The following PRKN variants were observed in gnomAD, a reference collection of about 807,000 sequenced individuals.
PRKN encodes parkin RBR E3 ubiquitin protein ligase, also known as E3 ubiquitin-protein ligase parkin.
Under a neutral mutation model 59.5 loss-of-function variants are expected in PRKN, and 56 were observed. That is an observed-to-expected ratio of 0.94 (90% CI 0.76 to 1.18). The LOEUF (loss-of-function observed/expected upper bound fraction) is 1.18, where lower values mean the gene tolerates loss of function less well. Among genes scored for constraint, PRKN ranks in the 50% most tolerant of loss-of-function variants. PRKN has a pLI of 0.00. For missense variants in PRKN, 657 were observed against 596.4 expected (o/e 1.10, Z -1.06); for synonymous variants, 250 against 222.1 (o/e 1.13, Z -1.12).
intron 9 of PRKN, among the ~76,000 whole-genome samples, chr6:161,479,617 G>A (rs1791293281): frequency 6.6e-6 from 1 of 152,146 alleles, no homozygotes; most frequent in South Asian, 2.1e-4. Context: ...CTGTCCCCGG[G>A]GAAGACGACA....
At chr6:162,669,987 A>G (rs1779259068) in intron 1 of PRKN, among the ~76,000 whole-genome samples, 1 of 152,234 alleles carries the variant, frequency 6.6e-6, no homozygotes, top group East Asian at 1.9e-4. Context: ...CACATTTGCA[A>G]TTTTTAAGTT....
At chr6:161,661,401 C>A (rs1233717371) in intron 7 of PRKN, among the ~76,000 whole-genome samples, 2 of 152,122 alleles carry the variant, frequency 1.3e-5, no homozygotes, top group Non-Finnish European at 2.9e-5. Context: ...CTGCCTGGAA[C>A]TCCCCTCCCA....
intron 1 of PRKN, among the ~76,000 whole-genome samples, chr6:162,499,101 C>T (rs1324161441): frequency 6.6e-6 from 1 of 152,120 alleles, no homozygotes; most frequent in African/African-American, 2.4e-5. Flanking sequence ...CTGCGGGATA[C>T]GTAAGTTCTT....
At chr6:162,262,380 C>T (rs1779924706) in intron 3 of PRKN, 145 bp downstream of exon 3, 1 of 919,724 alleles carries the variant, frequency 1.1e-6, no homozygotes, top group Non-Finnish European at 1.8e-6. Context: ...ACTCCACCTA[C>T]AGTGATGTCT....
intron 5 of PRKN, among the ~76,000 whole-genome samples, chr6:161,985,089 G>T (rs1402868727): frequency 6.6e-6 from 1 of 152,170 alleles, no homozygotes; most frequent in Non-Finnish European, 1.5e-5. Flanking sequence ...TTTGGAGATT[G>T]TAACTTGTCT....
At chr6:162,014,825 G>A (rs1246385749) in intron 5 of PRKN, among the ~76,000 whole-genome samples, 2 of 151,160 alleles carry the variant, frequency 1.3e-5, no homozygotes. Flanking sequence ...TTTTCACTCA[G>A]CAAGGTAGTC....
At chr6:161,647,708 G>T (rs1243421871) in intron 7 of PRKN, among the ~76,000 whole-genome samples, 7 of 152,086 alleles carry the variant, frequency 4.6e-5, no homozygotes, top group Non-Finnish European at 7.3e-5. Context: ...GAAGAAGTTT[G>T]CTAATGTTCT....
At position 162,337,278 on chromosome 6, in the gene PRKN, GAA is replaced by G. The variant is rs2091185747; in HGVS notation, c.172-74515_172-74514del. On this transcript the variant is annotated intron_variant, in intron 2 of 11. Coordinates refer to ENST00000366898, the MANE Select transcript of PRKN (RefSeq NM_004562.3). The stretch of plus-strand genomic sequence containing the variant: ...AAACACAACCCAAAATAACAGTTAA[GAA>G]AAGTTATCTCACCTCCCCCATCCTC... Among the ~76,000 whole-genome samples the G allele has an allele frequency of 1.3e-5, 2 of 152,100 alleles. 1 individual carries two copies. Among genetic ancestry groups the G allele is most frequent in the African/African-American group, 4.8e-5 (2 of 41,426 alleles).
rs577798658 is a variant in PRKN at position 161,457,239 on chromosome 6, A to G, written c.1084-70362T>C. ...ATGCATTCCATTACTTTTCCTACAC[A>G]TGTGTCTCTGTTAAGCACTTTGCAA... On this transcript the variant is annotated intron_variant, in intron 9 of 11. Transcript: ENST00000366898. The surrounding 1 kb of genome is among the most constrained non-coding windows in gnomAD (Gnocchi z 5.0). Among the ~76,000 whole-genome samples the G allele has an allele frequency of 6.8e-4, 103 of 152,278 alleles. No individual in the cohort carries two copies. The highest frequency in any genetic ancestry group is 2.4e-3 in the Admixed American group (36 of 15,294).
chr6:161,872,483 T>G (rs1794380509), intron 6 of PRKN, among the ~76,000 whole-genome samples: 1 of 152,160 alleles, frequency 6.6e-6, no homozygotes, highest in Non-Finnish European at 1.5e-5. Context: ...TGCCCTCATA[T>G]CAGACATACC....
chr6:161,924,402 T>C (rs912530721), intron 6 of PRKN, among the ~76,000 whole-genome samples: 2 of 152,214 alleles, frequency 1.3e-5, no homozygotes, highest in African/African-American at 2.4e-5. Context: ...TTCCTCCTAG[T>C]TTGCGTTTAA....
intron 2 of PRKN, among the ~76,000 whole-genome samples, chr6:162,300,255 T>C (rs1781881615): frequency 1.4e-5 from 2 of 138,206 alleles, no homozygotes; most frequent in Admixed American, 1.5e-4. Context: ...CAGTGGCTTT[T>C]CTTCTTCTTT....
intron 6 of PRKN, among the ~76,000 whole-genome samples, chr6:161,805,622 AC>A (rs1465604887): frequency 6.6e-6 from 1 of 151,832 alleles, no homozygotes; most frequent in African/African-American, 2.4e-5. Flanking sequence ...GGCCATCACT[AC>A]CCCCGGCTCC....
chr6:161,960,033 G>C (rs1251189053), intron 6 of PRKN, among the ~76,000 whole-genome samples: 1 of 152,140 alleles, frequency 6.6e-6, no homozygotes, highest in African/African-American at 2.4e-5. Flanking sequence ...CTGGGGGATT[G>C]GGGTATATGA....
chr6:161,875,550 C>T (rs950993356), intron 6 of PRKN, among the ~76,000 whole-genome samples: 2 of 151,990 alleles, frequency 1.3e-5, no homozygotes, highest in Non-Finnish European at 2.9e-5. Context: ...GGAAAATGGG[C>T]TAGGAGCTCT....
chr6:161,941,987 T>C (rs1010413541), intron 6 of PRKN, among the ~76,000 whole-genome samples: 3 of 152,210 alleles, frequency 2.0e-5, no homozygotes, highest in African/African-American at 7.2e-5. Context: ...AACTTTTTGC[T>C]TATAAAAATA....
At chr6:162,205,487 C>A (rs1180229341) in intron 3 of PRKN, among the ~76,000 whole-genome samples, 2 of 151,872 alleles carry the variant, frequency 1.3e-5, no homozygotes, top group African/African-American at 2.4e-5. Context: ...CTAGTTGTCA[C>A]TGAGAATTTA....
rs938985620 is a variant in PRKN, at chr6:161,549,162, G to A, written c.934-159C>T. ...TGTGTAGGGGGAGGGAGAGGGCCAC[G>A]GGGTTGATAGGGGAGGACGAATATG... On this transcript the variant is annotated intron_variant, in intron 8 of 11. Transcript: ENST00000366898. This position sits in a 1 kb window ranked among gnomAD's most constrained non-coding sequence, Gnocchi z 6.0. Among the ~76,000 whole-genome samples the A allele has an allele frequency of 1.3e-5, 2 of 152,118 alleles. No homozygotes were observed. The highest frequency in any genetic ancestry group is 3.4e-3 in the Middle Eastern group (1 of 294).
At chr6:161,610,755 G>A (rs371430050) in intron 7 of PRKN, among the ~76,000 whole-genome samples, 3 of 152,086 alleles carry the variant, frequency 2.0e-5, no homozygotes, top group African/African-American at 7.2e-5. Flanking sequence ...TGTGCACAGT[G>A]CCCAGGAAAG....
Sources: allele counts gnomAD v4.1 joint callset (sites outside exome capture counted in the v4.1 genomes callset), GRCh38; gene constraint gnomAD v4.1.1; non-coding constraint Gnocchi (gnomAD v3.1); transcripts MANE v1.5; gene names NCBI Gene and HGNC (gene_info 2026-07-23, HGNC 2026-07-21).